The following UBR1 variants were observed in gnomAD, a reference collection of about 807,000 sequenced individuals.
UBR1 encodes ubiquitin protein ligase E3 component n-recognin 1.
A neutral mutation model predicts 242.1 loss-of-function variants in UBR1; 102 were observed. That is an observed-to-expected ratio of 0.42 (90% confidence interval 0.36 to 0.50). The LOEUF is 0.50. Among genes scored for constraint, UBR1 ranks in the 20% least tolerant of loss-of-function variants. UBR1 has a pLI of 0.01. For synonymous variants in UBR1, 675 were observed against 684.8 expected, an observed-to-expected ratio of 0.99 and a Z score of 0.22; for missense variants, 1,772 against 2,101.8, an observed-to-expected ratio of 0.84 and a Z score of 3.07.
chr15:43,040,283 A>T (rs1477472060), intron 15 of UBR1, among the ~76,000 whole-genome samples: 1 of 152,234 alleles, frequency 6.6e-6, no homozygotes, highest in African/African-American at 2.4e-5. Flanking sequence ...CAGAGCCCTC[A>T]GAAATGATAC....
At chr15:42,983,696 A>AATAATAATG (rs1409354930) in intron 37 of UBR1, among the ~76,000 whole-genome samples, 1 of 148,296 alleles carries the variant, frequency 6.7e-6, no homozygotes, top group Non-Finnish European at 1.5e-5. Flanking sequence ...TAATAATAAT[A>AATAATAATG]ATAATATCAC....
intron 39 of UBR1, among the ~76,000 whole-genome samples, chr15:42,976,408 T>C (rs1317915538): frequency 6.6e-6 from 1 of 152,044 alleles, no homozygotes; most frequent in Non-Finnish European, 1.5e-5. Context: ...TATCAAAAGG[T>C]TGAAAAAACT....
intron 43 of UBR1, among the ~76,000 whole-genome samples, chr15:42,959,174 T>C (rs1463310624): frequency 1.3e-5 from 2 of 152,184 alleles, no homozygotes; most frequent in African/African-American, 2.4e-5. Flanking sequence ...TTCAATTCAG[T>C]TGTCTATATT....
chr15:43,067,860 C>G (rs372182466), intron 6 of UBR1, 38 bp downstream of exon 6: 1 of 1,613,446 alleles, frequency 6.2e-7, no homozygotes, highest in Non-Finnish European at 8.5e-7. Context: ...AGGAAGCTGA[C>G]AGAAAACAGA....
chr15:43,084,705 G>A (rs1298057574), intron 2 of UBR1, among the ~76,000 whole-genome samples: 6 of 152,036 alleles, frequency 3.9e-5, no homozygotes, highest in African/African-American at 1.2e-4. Flanking sequence ...CACCTGCCTC[G>A]GCCTCCCAAA....
At chr15:43,022,851 T>G in intron 25 of UBR1, 50 bp from the exon 26 acceptor site, 1 of 1,189,994 alleles carries the variant, frequency 8.4e-7, no homozygotes, top group South Asian at 1.3e-5. Flanking sequence ...TTCAGGTAAA[T>G]ATATTTTTAA....
intron 43 of UBR1, 44 bp from the exon 44 acceptor site, chr15:42,958,134 C>A (rs1207566596): frequency 1.4e-6 from 2 of 1,458,912 alleles, no homozygotes; most frequent in Non-Finnish European, 1.9e-6. Context: ...GAGTAAATAA[C>A]CCCAGATCAA....
chr15:42,945,451 A>T lies in UBR1; in HGVS notation c.5128T>A (p.Leu1710Ile). 1 of 1,614,158 alleles carries T rather than the reference A, an allele frequency of 6.2e-7. No homozygotes were observed. Among genetic ancestry groups the T allele is most frequent in the Non-Finnish European group, 8.5e-7 (1 of 1,180,014 alleles). The change falls in exon 47 of 47, where the codon TTA becomes ATA. Residue 1710 changes from leucine (L) to isoleucine (I), a missense_variant. By Grantham distance (5) the Leu-to-Ile change is conservative. Coordinates refer to ENST00000290650, the MANE Select transcript of UBR1 (RefSeq NM_174916.3). ...AGCTTCCGATACCGCTCACGAGATA[A>T]ATGAAGGGGGTTGCCCCTCCTTTAG... ...PGLKRGNPLH[L>I]SRERYRKLHL...
At chr15:43,027,878 CCTCT>C in intron 21 of UBR1, 50 bp from the exon 22 acceptor site, 2 of 1,410,556 alleles carry the variant, frequency 1.4e-6, no homozygotes, top group Non-Finnish European at 1.0e-6. Flanking sequence ...ATGACTTCCA[CCTCT>C]CTGTGAAGTG....
intron 8 of UBR1, 133 bp downstream of exon 8, chr15:43,059,568 AT>A: frequency 9.2e-7 from 1 of 1,085,174 alleles, no homozygotes; most frequent in Non-Finnish European, 1.3e-6. Flanking sequence ...AACCCTGAAA[AT>A]TAATCAAAGT....
intron 14 of UBR1, among the ~76,000 whole-genome samples, chr15:43,046,610 CAG>C (rs2033490094): frequency 6.6e-6 from 1 of 152,006 alleles, no homozygotes; most frequent in Admixed American, 6.6e-5. Flanking sequence ...GTTATGGTAA[CAG>C]ACACAGAGAA....
chr15:43,086,355 C>T, intron 1 of UBR1, 115 bp from the exon 2 acceptor site: 1 of 1,267,232 alleles, frequency 7.9e-7, no homozygotes, highest in South Asian at 1.5e-5. Context: ...TATATTTCAT[C>T]TTTCACCAAT....
At chr15:43,099,083 T>A (rs2034195438) in intron 1 of UBR1, among the ~76,000 whole-genome samples, 1 of 152,182 alleles carries the variant, frequency 6.6e-6, no homozygotes, top group Non-Finnish European at 1.5e-5. Context: ...ACATCTGTAA[T>A]CCCAGCACTT....
At chr15:42,978,385 G>A (rs997851564) in intron 37 of UBR1, among the ~76,000 whole-genome samples, 6 of 152,188 alleles carry the variant, frequency 3.9e-5, no homozygotes, top group African/African-American at 1.4e-4. Context: ...GTAAAATGAG[G>A]ATGGAGAAGA....
At chr15:43,071,768 T>A (rs1469844663) in intron 4 of UBR1, among the ~76,000 whole-genome samples, 2 of 152,196 alleles carry the variant, frequency 1.3e-5, no homozygotes, top group African/African-American at 4.8e-5. Flanking sequence ...AAAAGCTTGT[T>A]CAAGCCAATG....
chr15:43,015,555 T>A (rs1435211556), intron 29 of UBR1, 133 bp downstream of exon 29: 38 of 1,003,428 alleles, frequency 3.8e-5, no homozygotes, highest in South Asian at 2.6e-4. Flanking sequence ...CTTTGTTCAC[T>A]TGTTTATCTG....
chr15:42,983,903 G>A lies in UBR1; in HGVS notation c.4144C>T (p.Leu1382=), dbSNP rs16957294. ...VLIQKHLVRL[L]SVVLPNIKSE... ...AGTTCAGAGAAGACTCTACCTGATA[G>A]AAGACGAACCAGATGTTTCTGTATC... Residue 1382 remains leucine, a synonymous_variant, in exon 37 of 47, where the codon CTA becomes TTA. Transcript: ENST00000290650. The A allele has an allele frequency of 8.7e-4, 1,398 of 1,610,560 alleles. 15 individuals carry two copies. The African/African-American group carries it at 0.017, about 20-fold the overall frequency.
chr15:42,964,015 G>A lies in UBR1; in HGVS notation c.4620C>T (p.Leu1540=), dbSNP rs1262904181. ...TTGTAGGTAAAGATAGATAGCTACAGAGTGCACTGTACTCTCCTTCTGCAG... is the reference window on the plus strand; with the variant it reads ...TTGTAGGTAAAGATAGATAGCTACAAAGTGCACTGTACTCTCCTTCTGCAG... ...TNSAEGEYSA[L]CSYLSLPTNL... The change falls in exon 42 of 47, where the codon CTC becomes CTT. Residue 1540 remains leucine (L), a synonymous_variant. Coordinates refer to ENST00000290650, the MANE Select transcript of UBR1 (RefSeq NM_174916.3). 6.2e-7 allele frequency: 1 copy of A among 1,613,100 alleles called. No individual in the cohort carries two copies. The highest frequency in any genetic ancestry group is 1.3e-5 in the African/African-American group (1 of 74,908).
chr15:43,072,075 C>T (rs556211011), intron 4 of UBR1, among the ~76,000 whole-genome samples: 1 of 152,126 alleles, frequency 6.6e-6, no homozygotes, highest in South Asian at 2.1e-4. Context: ...GAGATAGGGT[C>T]TCCTGGCCTC....
Sources: allele counts gnomAD v4.1 joint callset (sites outside exome capture counted in the v4.1 genomes callset), GRCh38; gene constraint gnomAD v4.1.1; transcripts MANE v1.5; gene names NCBI Gene and HGNC (gene_info 2026-07-23, HGNC 2026-07-21).